Variants in TMEM126A observed in about 807,000 individuals in gnomAD.
TMEM126A encodes the protein transmembrane protein 126A, also known as optic atrophy 7.
Under a neutral mutation model 18.3 loss-of-function variants are expected in TMEM126A, and 10 were observed. That is an observed-to-expected ratio of 0.55 (90% CI 0.34 to 0.93). TMEM126A has a LOEUF of 0.93. TMEM126A is among the 40% of genes least tolerant of loss of function. The pLI is 0.02. For synonymous variants in TMEM126A, 68 were observed against 78.1 expected (o/e 0.87, Z 0.68); for missense variants, 246 against 230.2 (o/e 1.07, Z -0.44).
intron 1 of TMEM126A, among the ~76,000 whole-genome samples, 196 bp from the exon 2 acceptor site, chr11:85,650,053 A>C (rs1016796111): frequency 1.4e-4 from 21 of 152,308 alleles, no homozygotes; most frequent in African/African-American, 4.8e-4. Flanking sequence ...AGGATTATGA[A>C]GATATTCTGT....
chr11:85,649,655 T>C (rs765399520), intron 1 of TMEM126A, among the ~76,000 whole-genome samples: 3 of 152,242 alleles, frequency 2.0e-5, no homozygotes, highest in Non-Finnish European at 4.4e-5. Context: ...TACCCCGCAT[T>C]CTTGCCAATA....
intron 4 of TMEM126A, among the ~76,000 whole-genome samples, 185 bp downstream of exon 4, chr11:85,655,893 C>T (rs2082534371): frequency 6.6e-6 from 1 of 152,118 alleles, no homozygotes; most frequent in South Asian, 2.1e-4. Context: ...AACAGTTATA[C>T]TTGGTGTGTA....
chr11:85,654,052 C>A lies in TMEM126A; in HGVS notation c.87-11C>A. 6.2e-7 allele frequency: 1 copy of A among 1,614,132 alleles called. No individual in the cohort carries two copies. Among genetic ancestry groups the A allele is most frequent in the Non-Finnish European group, 8.5e-7 (1 of 1,179,986 alleles). On this transcript the variant is annotated splice_polypyrimidine_tract_variant and intron_variant, in intron 2 of 4. Transcript: ENST00000304511. Reference sequence around the variant, plus strand: ...ATGCCAAAGAAAAGTTCTTTCTTCTCACCCTTTCAGGAATCTACTTGAAAA... The same window carrying A: ...ATGCCAAAGAAAAGTTCTTTCTTCTAACCCTTTCAGGAATCTACTTGAAAA...
intron 2 of TMEM126A, among the ~76,000 whole-genome samples, chr11:85,652,095 C>T (rs1036259631): frequency 6.6e-6 from 1 of 152,138 alleles, no homozygotes; most frequent in Non-Finnish European, 1.5e-5. Flanking sequence ...ACCTGGGAGG[C>T]GGATGTTGCA....
intron 2 of TMEM126A, among the ~76,000 whole-genome samples, chr11:85,652,818 T>G (rs1168144486): frequency 6.6e-6 from 1 of 151,404 alleles, no homozygotes; most frequent in African/African-American, 2.4e-5. Flanking sequence ...TTATATATAT[T>G]ATATATACAT....
intron 2 of TMEM126A, among the ~76,000 whole-genome samples, chr11:85,651,614 C>G (rs1326249325): frequency 6.6e-6 from 1 of 152,126 alleles, no homozygotes; most frequent in East Asian, 1.9e-4. Context: ...CTTGCTGCCA[C>G]TTACCATCTT....
At chr11:85,649,290 T>C (rs1306215680) in intron 1 of TMEM126A, among the ~76,000 whole-genome samples, 2 of 152,196 alleles carry the variant, frequency 1.3e-5, no homozygotes, top group Non-Finnish European at 2.9e-5. Context: ...TCATTCACCA[T>C]TCCCTTCACA....
At chr11:85,650,013 T>A (rs1335111819) in intron 1 of TMEM126A, among the ~76,000 whole-genome samples, 2 of 152,254 alleles carry the variant, frequency 1.3e-5, no homozygotes, top group Non-Finnish European at 2.9e-5. Flanking sequence ...TGTTTAGTGC[T>A]ATTTGTGAAT....
intron 2 of TMEM126A, among the ~76,000 whole-genome samples, chr11:85,651,582 T>C (rs968456147): frequency 3.9e-5 from 6 of 152,226 alleles, no homozygotes; most frequent in South Asian, 4.1e-4. Flanking sequence ...TCTTCAGGAA[T>C]AGAAACTGAA....
At chr11:85,652,517 T>G (rs770351220) in intron 2 of TMEM126A, among the ~76,000 whole-genome samples, 1 of 152,224 alleles carries the variant, frequency 6.6e-6, no homozygotes, top group South Asian at 2.1e-4. Flanking sequence ...ATGTTTGTCA[T>G]TTGTTAAATT....
rs780489395 is a variant in TMEM126A, at chr11:85,656,365, C to A, written c.452C>A (p.Thr151Asn). 1 of 1,612,834 alleles carries A rather than the reference C, an allele frequency of 6.2e-7. No individual in the cohort carries two copies. Among genetic ancestry groups the A allele is most frequent in the South Asian group, 1.1e-5 (1 of 91,040 alleles). The part of the protein sequence containing the change: ...KGNILSYWIR[T>N]SKPVFRKMLF... ...AACATCTTAAGTTACTGGATTAGAA[C>A]TTCTAAGCCTGTCTTTAGAAAGATG... Residue 151 changes from threonine (T) to asparagine (N), a missense_variant, in exon 5 of 5, where the codon ACT (threonine) becomes AAT (asparagine). By Grantham distance (65) the Thr-to-Asn change is moderately conservative. Coordinates refer to ENST00000304511, the MANE Select transcript of TMEM126A (RefSeq NM_032273.4).
intron 2 of TMEM126A, among the ~76,000 whole-genome samples, chr11:85,652,469 A>T (rs2082508137): frequency 6.6e-6 from 1 of 152,170 alleles, no homozygotes; most frequent in South Asian, 2.1e-4. Flanking sequence ...TAATATCAAA[A>T]ACTTCATTTT....
Position 85,654,127 on chromosome 11 carries a change from AAC to A in TMEM126A, c.153_154del (p.Asn51LysfsTer44), listed in dbSNP as rs769520697. On this transcript the variant is annotated frameshift_variant, in exon 3 of 5. Coordinates refer to ENST00000304511, the MANE Select transcript of TMEM126A (RefSeq NM_032273.4). LOFTEE classifies it high-confidence loss of function. ...TGCTGCTCTTTGTGGCCTCATAGCA[AAC>A]AGTCTTTTTCGACGCATCTTGAATG... ...LNAALCGLIANSLFRRILNVT... is the reference protein window; with the variant it reads ...LNAALCGLIAXSLFRRILNVT... 4 of 1,614,058 alleles carry A rather than the reference AAC, an allele frequency of 2.5e-6. No homozygotes were observed. The highest frequency in any genetic ancestry group is 2.7e-5 in the African/African-American group (2 of 74,918).
chr11:85,648,706 A>T (rs951205925), intron 1 of TMEM126A, among the ~76,000 whole-genome samples: 1 of 152,172 alleles, frequency 6.6e-6, no homozygotes, highest in Admixed American at 6.5e-5. Flanking sequence ...GGCCCTCAAA[A>T]ATTTGACTAC....
chr11:85,654,317 G>T (rs536867858), intron 3 of TMEM126A, 61 bp downstream of exon 3: 1 of 1,494,124 alleles, frequency 6.7e-7, no homozygotes, highest in African/African-American at 1.4e-5. Flanking sequence ...TGCAGCTTTA[G>T]TCCATACTTA....
chr11:85,654,943 G>C (rs2082526835), intron 3 of TMEM126A, among the ~76,000 whole-genome samples: 1 of 151,436 alleles, frequency 6.6e-6, no homozygotes, highest in African/African-American at 2.4e-5. Flanking sequence ...CTTAAAGGGG[G>C]AAAATATTTT....
chr11:85,652,937 C>T (rs2082511709), intron 2 of TMEM126A, among the ~76,000 whole-genome samples: 1 of 150,984 alleles, frequency 6.6e-6, no homozygotes, highest in Non-Finnish European at 1.5e-5. Context: ...TTTTTTATTC[C>T]AACCCCCACA....
chr11:85,653,957 C>A, intron 2 of TMEM126A, 106 bp from the exon 3 acceptor site: 2 of 1,307,446 alleles, frequency 1.5e-6, no homozygotes, highest in Non-Finnish European at 2.2e-6. Flanking sequence ...GGATAGATGT[C>A]GTATCCAGTT....
rs759461268 is a variant in TMEM126A at position 85,655,694 on chromosome 11, T to TG, written c.383dup (p.Leu129SerfsTer22). On this transcript the variant is annotated frameshift_variant, in exon 4 of 5. Coordinates refer to ENST00000304511, the MANE Select transcript of TMEM126A (RefSeq NM_032273.4). LOFTEE classifies it high-confidence loss of function. Reference sequence around the variant, plus strand: ...TTTTCTTGGCTATACCTGTAAATGGTGGTCTAGCAGCCAGGTAGGAAATAA... The same window carrying TG: ...TTTTCTTGGCTATACCTGTAAATGGTGGGTCTAGCAGCCAGGTAGGAAATAA... 3 of 1,612,706 alleles carry TG rather than the reference T, an allele frequency of 1.9e-6. No homozygotes were observed. In the East Asian group the frequency reaches 6.7e-5, roughly 36 times the overall value.
Sources: allele counts gnomAD v4.1 joint callset (sites outside exome capture counted in the v4.1 genomes callset), GRCh38; gene constraint gnomAD v4.1.1; transcripts MANE v1.5; gene names NCBI Gene and HGNC (gene_info 2026-07-23, HGNC 2026-07-21).